The following ISM1 variants were observed in gnomAD, a reference collection of about 807,000 sequenced individuals.
ISM1 encodes isthmin-1.
A neutral mutation model predicts 46.3 loss-of-function variants in ISM1; 25 were observed. That is an observed-to-expected ratio of 0.54 (90% CI 0.39 to 0.75). The LOEUF (loss-of-function observed/expected upper bound fraction) is 0.75. ISM1 is among the 30% of genes least tolerant of loss of function. ISM1 has a pLI of 0.00. For synonymous variants in ISM1, 255 were observed against 256.7 expected (o/e 0.99, Z 0.06); for missense variants, 536 against 625.4 (o/e 0.86, Z 1.52).
chr20:13,292,314 G>A (rs2040361843), intron 4 of ISM1, 60 bp from the exon 5 acceptor site: 1 of 994,738 alleles, frequency 1.0e-6, no homozygotes. Flanking sequence ...TTATTGTTGG[G>A]GTGGGGGAGA....
At chr20:13,288,739 C>G (rs1320935370) in intron 4 of ISM1, 56 bp downstream of exon 4, 2 of 1,505,650 alleles carry the variant, frequency 1.3e-6, no homozygotes, top group Non-Finnish European at 1.8e-6. Flanking sequence ...TTTAATTTAT[C>G]ATTAAAAACT....
At chr20:13,245,088 C>G (rs1176437861) in intron 1 of ISM1, among the ~76,000 whole-genome samples, 1 of 152,190 alleles carries the variant, frequency 6.6e-6, no homozygotes, top group African/African-American at 2.4e-5. Flanking sequence ...CCCTGCCACC[C>G]CATGTTGGTT....
chr20:13,283,583 G>A (rs2040259999), intron 3 of ISM1, among the ~76,000 whole-genome samples: 1 of 152,236 alleles, frequency 6.6e-6, no homozygotes, highest in East Asian at 1.9e-4. Flanking sequence ...AAACACAGAT[G>A]AGATGATGCT....
chr20:13,308,020 ACACTCCGTTTAGGAGTGTTTGAAAGTTCC>A, the ISM1 span, among the ~76,000 whole-genome samples: 1 of 152,128 alleles, frequency 6.6e-6, no homozygotes, highest in East Asian at 1.9e-4. Context: ...GTCCTGGTGG[ACACTCCGTTTAGGAGTGTTTGAAAGTTCC>A]CATTCTTTAG....
intron 1 of ISM1, among the ~76,000 whole-genome samples, chr20:13,253,024 T>C (rs1439520742): frequency 4.6e-5 from 7 of 152,194 alleles, no homozygotes; most frequent in Non-Finnish European, 8.8e-5. Context: ...AACCTGTCCT[T>C]CCCCATGGAC....
chr20:13,224,288 T>G (rs6041963), intron 1 of ISM1, among the ~76,000 whole-genome samples: 96,766 of 152,004 alleles, frequency 0.64, 32,510 homozygotes, highest in African/African-American at 0.85. Context: ...TGACCAAAGT[T>G]ATTTCTTTGG....
chr20:13,268,183 T>C lies in ISM1; in HGVS notation c.139-2321T>C, dbSNP rs557393155. On this transcript the variant is annotated intron_variant, in intron 1 of 5. Coordinates refer to ENST00000262487, the MANE Select transcript of ISM1 (RefSeq NM_080826.2). Reference sequence around the variant, plus strand: ...TCCCTTCTCTCCTCTCCTCTCCTCTTCTCTTCACTTCGCTTCTCTTCTCTC... The same window carrying C: ...TCCCTTCTCTCCTCTCCTCTCCTCTCCTCTTCACTTCGCTTCTCTTCTCTC... Among the ~76,000 whole-genome samples the C allele has an allele frequency of 6.1e-3, 912 of 148,756 alleles. 11 individuals carry two copies. The highest frequency in any genetic ancestry group is 0.019 in the African/African-American group (767 of 39,926).
At chr20:13,238,833 C>T (rs1011741393) in intron 1 of ISM1, among the ~76,000 whole-genome samples, 3 of 152,148 alleles carry the variant, frequency 2.0e-5, no homozygotes, top group African/African-American at 2.4e-5. Context: ...GAGGATACAA[C>T]GTTCTAAAGA....
At chr20:13,279,598 C>T in intron 2 of ISM1, 36 bp from the exon 3 acceptor site, 2 of 1,588,392 alleles carry the variant, frequency 1.3e-6, no homozygotes, top group Non-Finnish European at 1.7e-6. Flanking sequence ...AGGCTGTTGA[C>T]TCCACACTGA....
At chr20:13,223,934 C>G (rs1033948746) in intron 1 of ISM1, among the ~76,000 whole-genome samples, 3 of 151,934 alleles carry the variant, frequency 2.0e-5, no homozygotes, top group Non-Finnish European at 2.9e-5. Flanking sequence ...TAGAATAACC[C>G]GGGGTTGGCC....
intron 1 of ISM1, among the ~76,000 whole-genome samples, chr20:13,228,329 C>T (rs1361040673): frequency 6.6e-6 from 1 of 151,904 alleles, no homozygotes; most frequent in Non-Finnish European, 1.5e-5. Flanking sequence ...AACACAGTTT[C>T]AAAAATTTTT....
At chr20:13,258,233 G>A (rs1210076063) in intron 1 of ISM1, among the ~76,000 whole-genome samples, 19 of 152,058 alleles carry the variant, frequency 1.2e-4, no homozygotes, top group Non-Finnish European at 1.5e-5. Flanking sequence ...TTGCTGTCTA[G>A]CTTCTGATTG....
intron 1 of ISM1, among the ~76,000 whole-genome samples, chr20:13,231,235 CTTG>C (rs953736590): frequency 7.2e-5 from 11 of 152,136 alleles, no homozygotes; most frequent in Admixed American, 5.9e-4. Context: ...GAGGCCCCTG[CTTG>C]TTGTTGTCAT....
At chr20:13,252,156 C>G (rs1487902188) in intron 1 of ISM1, among the ~76,000 whole-genome samples, 1 of 152,152 alleles carries the variant, frequency 6.6e-6, no homozygotes, top group African/African-American at 2.4e-5. Context: ...ATGGATCCCT[C>G]AGGCCTCTTT....
intron 2 of ISM1, among the ~76,000 whole-genome samples, chr20:13,274,894 T>A (rs6105064): frequency 6.6e-6 from 1 of 152,058 alleles, no homozygotes; most frequent in Admixed American, 6.6e-5. Context: ...ACTACTAAAC[T>A]GAGTCTCCAT....
At chr20:13,261,042 GC>G (rs755652486) in intron 1 of ISM1, among the ~76,000 whole-genome samples, 8 of 151,576 alleles carry the variant, frequency 5.3e-5, no homozygotes, top group Admixed American at 1.3e-4. Context: ...ATTCCAAAGA[GC>G]AAAAAAAAAT....
the ISM1 span, among the ~76,000 whole-genome samples, chr20:13,311,154 A>AT: frequency 6.6e-6 from 1 of 152,100 alleles, no homozygotes; most frequent in African/African-American, 2.4e-5. Flanking sequence ...AGATCATGCC[A>AT]TTGCACTCCA....
chr20:13,221,763 C>T lies in ISM1; in HGVS notation c.-14C>T. On this transcript the variant is annotated 5_prime_UTR_variant, in exon 1 of 6. Transcript: ENST00000262487. ...GCCGCCGCGCCGGGTCCTAAAGCCGCGCGTCTCAAAAGGATGGTGCGCCTG... is the reference window on the plus strand; with the variant it reads ...GCCGCCGCGCCGGGTCCTAAAGCCGTGCGTCTCAAAAGGATGGTGCGCCTG... 6 of 1,429,554 alleles carry T rather than the reference C, an allele frequency of 4.2e-6. No homozygotes were observed. Among genetic ancestry groups the T allele is most frequent in the Non-Finnish European group, 5.5e-6 (6 of 1,095,904 alleles). 88.6% of individuals were successfully genotyped at this position (1,429,554 alleles called of 1,614,324 possible).
At chr20:13,262,367 G>C (rs1486879530) in intron 1 of ISM1, among the ~76,000 whole-genome samples, 1 of 152,118 alleles carries the variant, frequency 6.6e-6, no homozygotes, top group Non-Finnish European at 1.5e-5. Flanking sequence ...CACACCACAA[G>C]GGCTTTATCA....
Sources: gnomAD v4.1 joint callset for allele counts (sites outside exome capture counted in the v4.1 genomes callset) on GRCh38, gnomAD v4.1.1 for gene constraint, MANE v1.5 for transcripts, NCBI Gene and HGNC (gene_info 2026-07-23, HGNC 2026-07-21) for gene names.